The following MTAP variants were observed in gnomAD, a reference collection of about 807,000 sequenced individuals.
The protein encoded by MTAP is methylthioadenosine phosphorylase.
Under a neutral mutation model 33.6 loss-of-function variants are expected in MTAP, and 33 were observed. The ratio of observed to expected loss-of-function variants is 0.98; its 90% CI spans 0.74 to 1.31. The LOEUF (loss-of-function observed/expected upper bound fraction) is 1.31. Ranked by LOEUF, MTAP falls within the 40% of genes most tolerant of loss-of-function variation. The pLI, the probability that MTAP is intolerant of heterozygous loss-of-function variation, is 0.00. For missense variants in MTAP, 367 were observed against 360.0 expected (o/e 1.02, Z -0.16); for synonymous variants, 148 against 125.7 (o/e 1.18, Z -1.19).
At chr9:21,929,378 C>G (rs909378148) in intron 1 of MTAP, 1 of 158,778 alleles carries the variant, frequency 6.3e-6, no homozygotes. Context: ...TTAATCCCAA[C>G]TTGTACACCA....
chr9:21,894,187 A>T lies in MTAP; in HGVS notation c.148-36821A>T, dbSNP rs951395911. 6.8e-5 allele frequency among the ~76,000 whole-genome samples: 10 copies of T among 147,944 alleles called. No homozygotes were observed. In the Admixed American group the frequency reaches 6.9e-4, roughly 10 times the overall value. ...TCAATAAATGCAGAAAAGACTTTTG[A>T]TAAAATTCAACATCCTTTCATGTTA... On this transcript the variant is annotated intron_variant, in intron 1 of 1. Coordinates refer to the MTAP transcript ENST00000577563.
intron 1 of MTAP, among the ~76,000 whole-genome samples, chr9:21,883,375 A>G (rs956779682): frequency 6.6e-6 from 1 of 152,076 alleles, no homozygotes; most frequent in Admixed American, 6.6e-5. Flanking sequence ...AAGTATGACA[A>G]CTCCAAGTTT....
intron 1 of MTAP, among the ~76,000 whole-genome samples, chr9:21,919,021 C>T (rs1407520537): frequency 6.6e-6 from 1 of 152,146 alleles, no homozygotes; most frequent in African/African-American, 2.4e-5. Context: ...GATGGTCCAT[C>T]AAACACTATT....
rs1787881471 is a variant in MTAP at position 21,867,047 on chromosome 9, A to G, written c.*5033A>G. ...TTTTATTTTTGTATATTGACTTTAT[A>G]TTCTGTAATCTTATTAAATTCACTT... On this transcript the variant is annotated 3_prime_UTR_variant, in exon 8 of 8. Coordinates refer to ENST00000644715, the MANE Select transcript of MTAP (RefSeq NM_002451.4). 6.6e-6 allele frequency: 1 copy of G among 152,102 alleles called. No homozygotes were observed. The highest frequency in any genetic ancestry group is 6.5e-5 in the Admixed American group (1 of 15,274). 9.4% of individuals were successfully genotyped at this position (152,102 alleles called of 1,614,324 possible).
intron 1 of MTAP, among the ~76,000 whole-genome samples, chr9:21,921,187 C>A (rs1818780862): frequency 6.6e-6 from 1 of 151,688 alleles, no homozygotes; most frequent in African/African-American, 2.4e-5. Flanking sequence ...CTTGTGGTTT[C>A]TTTTGGAAAA....
chr9:21,818,028 T>C lies in MTAP; in HGVS notation c.180-7T>C. ...ACGGGTTAACAATTTCTTCTCTCCT[T>C]CCATAGGCATGGAAGGCAGCACACC... On this transcript the variant is annotated splice_region_variant and splice_polypyrimidine_tract_variant and intron_variant, in intron 3 of 7. Coordinates refer to ENST00000644715, the MANE Select transcript of MTAP (RefSeq NM_002451.4). 1 of 1,605,766 alleles carries C rather than the reference T, an allele frequency of 6.2e-7. No homozygotes were observed. The highest frequency in any genetic ancestry group is 8.5e-7 in the Non-Finnish European group (1 of 1,177,126).
intron 1 of MTAP, among the ~76,000 whole-genome samples, chr9:21,905,812 C>T (rs112597464): frequency 2.2e-4 from 33 of 152,284 alleles, no homozygotes; most frequent in African/African-American, 7.7e-4. Context: ...CTACACAGAA[C>T]CAGATCATTT....
At chr9:21,882,976 GA>G (rs56365328) in intron 1 of MTAP, among the ~76,000 whole-genome samples, 3 of 150,692 alleles carry the variant, frequency 2.0e-5, no homozygotes, top group Admixed American at 6.6e-5. Flanking sequence ...TTTTCAAAAA[GA>G]AAAAAAATTA....
chr9:21,897,997 G>A (rs1818326525), intron 1 of MTAP, among the ~76,000 whole-genome samples: 1 of 152,184 alleles, frequency 6.6e-6, no homozygotes, highest in South Asian at 2.1e-4. Context: ...CAAGGCTACA[G>A]TAACCAAAAC....
At position 21,830,618 on chromosome 9, in the gene MTAP, C is replaced by T. The variant is rs142957038; in HGVS notation, c.348-7290C>T. ...GGCTGTTTATACATTAAAAGGCTCT[C>T]ATAAGATATGTACTCCCAGATTCAT... On this transcript the variant is annotated intron_variant, in intron 4 of 7. Transcript: ENST00000644715. Among the ~76,000 whole-genome samples, 246 of 152,320 alleles carry T rather than the reference C, an allele frequency of 1.6e-3. 1 individual carries two copies. Among genetic ancestry groups the T allele is most frequent in the African/African-American group, 5.7e-3 (235 of 41,566 alleles).
chr9:21,931,350 G>T, downstream of MTAP: 2 of 548,600 alleles, frequency 3.6e-6, no homozygotes, highest in South Asian at 5.1e-5. Context: ...GCAGACATGA[G>T]TAAGGGAGGA....
chr9:21,899,717 T>C (rs796766106), intron 1 of MTAP, among the ~76,000 whole-genome samples: 23 of 152,266 alleles, frequency 1.5e-4, no homozygotes, highest in African/African-American at 5.1e-4. Flanking sequence ...CCCCATCCAA[T>C]TATCTCCACC....
intron 4 of MTAP, among the ~76,000 whole-genome samples, chr9:21,828,855 G>T (rs1824890872): frequency 6.6e-6 from 1 of 152,114 alleles, no homozygotes; most frequent in Admixed American, 6.6e-5. Flanking sequence ...AAACTATGTA[G>T]GTGGCTAACA....
chr9:21,855,874 G>A (rs1825630688), intron 6 of MTAP, among the ~76,000 whole-genome samples: 1 of 152,050 alleles, frequency 6.6e-6, no homozygotes, highest in Non-Finnish European at 1.5e-5. Flanking sequence ...TTTCCTAAAA[G>A]GTCTTTTTAA....
chr9:21,922,834 C>T lies in MTAP; in HGVS notation c.148-8174C>T, dbSNP rs146203723. ...GGTAGGAAGGACCTTGGAGTCCACACCATGTAGACCTGAAATACTAATGGC... is the reference window on the plus strand; with the variant it reads ...GGTAGGAAGGACCTTGGAGTCCACATCATGTAGACCTGAAATACTAATGGC... On this transcript the variant is annotated intron_variant, in intron 1 of 1. Transcript: ENST00000577563. The surrounding 1 kb of genome is among the most constrained non-coding windows in gnomAD (Gnocchi z 4.8). Among the ~76,000 whole-genome samples, 13 of 152,322 alleles carry T rather than the reference C, an allele frequency of 8.5e-5. No homozygotes were observed. Among genetic ancestry groups the T allele is most frequent in the African/African-American group, 2.9e-4 (12 of 41,576 alleles).
At chr9:21,839,190 A>ATTTT (rs1349545888) in intron 5 of MTAP, among the ~76,000 whole-genome samples, 1 of 107,910 alleles carries the variant, frequency 9.3e-6, no homozygotes, top group African/African-American at 5.1e-5. Context: ...TTTTTTTTTA[A>ATTTT]AAAAGTGGCA....
chr9:21,839,318 C>T (rs1825187557), intron 5 of MTAP, among the ~76,000 whole-genome samples: 1 of 152,006 alleles, frequency 6.6e-6, no homozygotes, highest in Admixed American at 6.6e-5. Flanking sequence ...ATTTGCTATC[C>T]TGGGGGAAAT....
intron 1 of MTAP, chr9:21,812,236 A>C (rs1587198568): frequency 4.4e-6 from 1 of 226,640 alleles, no homozygotes; most frequent in East Asian, 1.1e-4. Flanking sequence ...AAATGCAGAC[A>C]GATGGTGACC....
chr9:21,817,712 G>T (rs914401078), intron 3 of MTAP, among the ~76,000 whole-genome samples: 1 of 151,986 alleles, frequency 6.6e-6, no homozygotes, highest in African/African-American at 2.4e-5. Context: ...GAGCCTAATC[G>T]TGGGAGTGAC....
Sources: allele counts gnomAD v4.1 joint callset (sites outside exome capture counted in the v4.1 genomes callset), GRCh38; gene constraint gnomAD v4.1.1; non-coding constraint Gnocchi (gnomAD v3.1); transcripts MANE v1.5; gene names NCBI Gene and HGNC (gene_info 2026-07-23, HGNC 2026-07-21).